The following ASB9 variants were observed in gnomAD, a reference collection of about 807,000 sequenced individuals.
ASB9 encodes the protein ankyrin repeat and SOCS box containing 9, also known as ankyrin repeat and SOCS box protein 9.
In ASB9, 5 loss-of-function variants were observed where a neutral mutation model predicts 16.6. The observed-to-expected ratio is 0.30, with a 90% CI of 0.16 to 0.63. The LOEUF is 0.63. Ranked by LOEUF, ASB9 falls within the 30% of genes least tolerant of loss-of-function variation. The pLI, the probability that ASB9 is intolerant of heterozygous loss-of-function variation, is 0.82. For missense variants in ASB9, 216 were observed against 229.4 expected (o/e 0.94, Z 0.38); for synonymous variants, 100 against 86.4 (o/e 1.16, Z -0.87).
chrX:15,252,439 G>A (rs1189332477), intron 3 of ASB9, 35 bp from the exon 4 acceptor site: 6 of 1,165,208 alleles, frequency 5.1e-6, no homozygotes, highest in Non-Finnish European at 6.9e-6. Flanking sequence ...AGACAGGAAG[G>A]GGGATGTTTT....
At chrX:15,253,843 G>A (rs930268807) in intron 3 of ASB9, among the ~76,000 whole-genome samples, 3 of 111,469 alleles carry the variant, frequency 2.7e-5, no homozygotes, top group Non-Finnish European at 3.8e-5. Context: ...TGAAGACAAC[G>A]AATTCCTTCT....
intron 1 of ASB9, among the ~76,000 whole-genome samples, chrX:15,267,701 T>C (rs1926632448): frequency 1.1e-5 from 1 of 94,631 alleles, no homozygotes; most frequent in African/African-American, 4.0e-5. Context: ...CTGAGATTGC[T>C]CCACTGCATT....
intron 1 of ASB9, among the ~76,000 whole-genome samples, chrX:15,262,387 G>A (rs937706865): frequency 1.8e-5 from 2 of 111,831 alleles, no homozygotes; most frequent in African/African-American, 6.5e-5. Flanking sequence ...CCTACTGTAT[G>A]TTCCCATCAG....
At chrX:15,250,865 C>T (rs925151884) in intron 4 of ASB9, among the ~76,000 whole-genome samples, 21 of 111,529 alleles carry the variant, frequency 1.9e-4, no homozygotes, top group Non-Finnish European at 3.8e-4. Context: ...GTACTACAGG[C>T]GCCCGCCACC....
At position 15,252,549 on chromosome X, in the gene ASB9, C is replaced by CA. The variant is rs1028335781; in HGVS notation, c.283-146dup. The CA allele has an allele frequency of 9.7e-6, 6 of 616,274 alleles. No homozygotes were observed. The African/African-American group carries it at 1.4e-4, about 14-fold the overall frequency. The allele number at this position is 616,274 out of a possible 1,213,427, so 50.8% of individuals were successfully genotyped here. ...ATGGAGAAATAACTACGAAATTCCA[C>CA]AGGTTTTTGTGAAAAATGGAATTAG... is the stretch of plus-strand genomic sequence containing the variant. On this transcript the variant is annotated intron_variant, in intron 3 of 6. Transcript: ENST00000380488.
intron 6 of ASB9, among the ~76,000 whole-genome samples, chrX:15,248,094 T>C (rs1924813891): frequency 1.8e-5 from 2 of 112,039 alleles, no homozygotes; most frequent in Admixed American, 1.9e-4. Context: ...TCTGAGCCCA[T>C]GAAGATTGCA....
At chrX:15,257,447 C>T (rs1925666009) in intron 2 of ASB9, among the ~76,000 whole-genome samples, 1 of 110,739 alleles carries the variant, frequency 9.0e-6, no homozygotes, top group South Asian at 3.8e-4. Flanking sequence ...AAAAATAAAA[C>T]CAGCATTTAG....
chrX:15,265,430 G>A lies in ASB9; in HGVS notation c.94+4351C>T, dbSNP rs147427402. Reference sequence around the variant, plus strand: ...TCCAACATTTAATCAAGCAACATACGCTGATTTATCTTTCCTTTGAAATCA... The same window carrying A: ...TCCAACATTTAATCAAGCAACATACACTGATTTATCTTTCCTTTGAAATCA... On this transcript the variant is annotated intron_variant, in intron 1 of 6. Transcript: ENST00000380488. Among the ~76,000 whole-genome samples, 206 of 111,953 alleles carry A rather than the reference G, an allele frequency of 1.8e-3. 1 individual carries two copies. Among genetic ancestry groups the A allele is most frequent in the African/African-American group, 6.5e-3 (199 of 30,815 alleles).
intron 1 of ASB9, among the ~76,000 whole-genome samples, chrX:15,265,803 A>ATT (rs776249903): frequency 4.2e-4 from 41 of 96,944 alleles, no homozygotes; most frequent in Admixed American, 1.9e-3. Flanking sequence ...CACCCAGCTA[A>ATT]TTTTTTTTTT....
intron 1 of ASB9, among the ~76,000 whole-genome samples, chrX:15,265,837 CTT>C (rs1926345917): frequency 9.4e-6 from 1 of 105,897 alleles, no homozygotes; most frequent in Non-Finnish European, 1.9e-5. Context: ...GAGTTTCACT[CTT>C]GTTGCCCAGG....
chrX:15,264,015 G>C (rs1926188100), intron 1 of ASB9, among the ~76,000 whole-genome samples: 1 of 111,529 alleles, frequency 9.0e-6, no homozygotes, highest in African/African-American at 3.3e-5. Context: ...CCACAAACTG[G>C]GTGGCTTAAA....
intron 1 of ASB9, among the ~76,000 whole-genome samples, chrX:15,264,954 C>G (rs1355873195): frequency 9.0e-6 from 1 of 111,629 alleles, no homozygotes; most frequent in Admixed American, 9.5e-5. Context: ...ATCCAGGCAC[C>G]TACCCTTGTG....
At chrX:15,245,026 T>C in intron 6 of ASB9, among the ~76,000 whole-genome samples, 1 of 112,383 alleles carries the variant, frequency 8.9e-6, no homozygotes, top group East Asian at 2.8e-4. Context: ...TTTTATTTTA[T>C]AACTTGAGCA....
rs1395816414 is a variant in ASB9, at chrX:15,254,822, G to A, written c.197C>T (p.Thr66Met). Residue 66 changes from threonine (T) to methionine (M), a missense_variant, in exon 3 of 7, where the codon ACG (threonine) becomes ATG (methionine). By Grantham distance (81) the Thr-to-Met change is moderately conservative. Transcript: ENST00000380488. The stretch of plus-strand genomic sequence containing the variant: ...ATGGAGTGGGGAAACATGATCTGCC[G>A]TGATGATGTTCACAGCCCACCCCTG... Reference protein sequence around the residue: ...ISQGWAVNIITADHVSPLHEA... With the variant: ...ISQGWAVNIIMADHVSPLHEA... 3.3e-6 allele frequency: 4 copies of A among 1,209,366 alleles called. No homozygotes were observed. The highest frequency in any genetic ancestry group is 4.4e-5 in the Admixed American group (2 of 45,973).
intron 2 of ASB9, among the ~76,000 whole-genome samples, chrX:15,255,246 A>G: frequency 8.9e-6 from 1 of 112,056 alleles, no homozygotes; most frequent in African/African-American, 3.2e-5. Context: ...TTCAGCAGAA[A>G]GATTACACCC....
intron 6 of ASB9, among the ~76,000 whole-genome samples, chrX:15,246,179 G>A (rs1442311248): frequency 8.9e-6 from 1 of 111,796 alleles, no homozygotes; most frequent in Non-Finnish European, 1.9e-5. Context: ...CTCAGAGCAG[G>A]CCTGATAGAG....
chrX:15,247,250 GCAAA>G (rs1346831027), intron 6 of ASB9, among the ~76,000 whole-genome samples: 2 of 111,873 alleles, frequency 1.8e-5, no homozygotes, highest in Non-Finnish European at 3.8e-5. Context: ...ACTCATGGAG[GCAAA>G]ACAAGTAGTG....
chrX:15,261,314 T>C (rs1473263970), intron 1 of ASB9, among the ~76,000 whole-genome samples: 2 of 112,152 alleles, frequency 1.8e-5, no homozygotes, highest in Non-Finnish European at 3.8e-5. Context: ...CAGTTTTCAA[T>C]AGATTTGCAA....
intron 1 of ASB9, among the ~76,000 whole-genome samples, chrX:15,268,335 AAAAC>A (rs775083571): frequency 1.1e-4 from 3 of 28,004 alleles, no homozygotes; most frequent in African/African-American, 2.3e-4. Context: ...CCGTCTCAAA[AAAAC>A]AAAACAAAAC....
Sources: allele counts gnomAD v4.1 joint callset (sites outside exome capture counted in the v4.1 genomes callset), GRCh38; gene constraint gnomAD v4.1.1; transcripts MANE v1.5; gene names NCBI Gene and HGNC (gene_info 2026-07-23, HGNC 2026-07-21).